CFAP97: variants seen among roughly 807,000 people sequenced by gnomAD.
CFAP97 encodes cilia- and flagella-associated protein 97.
CFAP97 carries 36 observed loss-of-function variants against 43.1 expected under a neutral mutation model. That is an observed-to-expected ratio of 0.84 (90% confidence interval 0.64 to 1.10). CFAP97 has a LOEUF of 1.10. Among genes scored for constraint, CFAP97 ranks in the 50% least tolerant of loss-of-function variants. The pLI is 0.00. For missense variants in CFAP97, 657 were observed against 620.3 expected, an observed-to-expected ratio of 1.06 and a Z score of -0.63; for synonymous variants, 228 against 225.7, an observed-to-expected ratio of 1.01 and a Z score of -0.09.
At chr4:185,208,811 T>G (rs1226945907), upstream of CFAP97, among the ~76,000 whole-genome samples, 3 of 152,382 alleles carry the variant, frequency 2.0e-5, no homozygotes, top group East Asian at 5.8e-4. Context: ...TCTGCTTCTT[T>G]ATTAGTCTTA....
chr4:185,170,977 T>C (rs1306391694), intron 3 of CFAP97, among the ~76,000 whole-genome samples: 2 of 58,908 alleles, frequency 3.4e-5, no homozygotes, highest in Admixed American at 6.2e-4. Context: ...AAGCAAGACT[T>C]TGTCTCAAAA....
chr4:185,186,683 C>T (rs1287391677), intron 2 of CFAP97, among the ~76,000 whole-genome samples: 1 of 152,100 alleles, frequency 6.6e-6, no homozygotes, highest in Admixed American at 6.5e-5. Context: ...TGGATATACA[C>T]CTTTTTCATG....
At chr4:185,204,762 C>T (rs1272411565), upstream of CFAP97, among the ~76,000 whole-genome samples, 1 of 152,184 alleles carries the variant, frequency 6.6e-6, no homozygotes, top group Non-Finnish European at 1.5e-5. Flanking sequence ...GCTGTGAGCA[C>T]AGAAGCTAGA....
At chr4:185,197,182 C>T (rs1736593376) in intron 1 of CFAP97, among the ~76,000 whole-genome samples, 1 of 141,046 alleles carries the variant, frequency 7.1e-6, no homozygotes, top group South Asian at 2.3e-4. Flanking sequence ...TTTGAAGAAA[C>T]TGAAATCACA....
At chr4:185,180,822 A>C (rs1735751615) in intron 2 of CFAP97, among the ~76,000 whole-genome samples, 1 of 152,122 alleles carries the variant, frequency 6.6e-6, no homozygotes, top group African/African-American at 2.4e-5. Context: ...CATTATGAAT[A>C]GTCTAATCAC....
At chr4:185,174,696 T>C (rs1735443654) in intron 3 of CFAP97, among the ~76,000 whole-genome samples, 1 of 152,238 alleles carries the variant, frequency 6.6e-6, no homozygotes, top group Admixed American at 6.5e-5. Context: ...CTCAGCAGCA[T>C]ACTCAGTAGC....
At chr4:185,170,371 T>G in intron 3 of CFAP97, 1 of 491,710 alleles carries the variant, frequency 2.0e-6, no homozygotes, top group Non-Finnish European at 3.6e-6. Context: ...AAGTTACTCC[T>G]GTATACTAGC....
upstream of CFAP97, among the ~76,000 whole-genome samples, chr4:185,207,110 CA>C (rs1334095958): frequency 3.9e-5 from 6 of 152,024 alleles, no homozygotes; most frequent in Admixed American, 2.6e-4. Context: ...TCCACTGACC[CA>C]GGGGCAATCT....
intron 2 of CFAP97, among the ~76,000 whole-genome samples, chr4:185,181,942 C>T (rs945173898): frequency 7.9e-5 from 12 of 152,108 alleles, no homozygotes; most frequent in African/African-American, 2.9e-4. Flanking sequence ...CACTTCAATC[C>T]CTCACACGTT....
At chr4:185,199,352 C>T (rs372912684) in intron 1 of CFAP97, among the ~76,000 whole-genome samples, 16 of 149,318 alleles carry the variant, frequency 1.1e-4, no homozygotes, top group African/African-American at 3.7e-4. Context: ...GCCTGGGTGA[C>T]AGAGCAAGAC....
intron 1 of CFAP97, among the ~76,000 whole-genome samples, chr4:185,197,286 G>A (rs1198850406): frequency 6.6e-6 from 1 of 151,958 alleles, no homozygotes; most frequent in African/African-American, 2.4e-5. Context: ...TCACAATCAA[G>A]TAATAAGTTT....
chr4:185,193,754 T>C (rs867237375), intron 1 of CFAP97, among the ~76,000 whole-genome samples: 32 of 152,202 alleles, frequency 2.1e-4, no homozygotes, highest in African/African-American at 7.7e-4. Context: ...TTATGTAATC[T>C]GTATCCTAAA....
chr4:185,181,470 C>T (rs1219299730), intron 2 of CFAP97, among the ~76,000 whole-genome samples: 1 of 151,658 alleles, frequency 6.6e-6, no homozygotes, highest in African/African-American at 2.4e-5. Flanking sequence ...GGATTACAGG[C>T]ATGTGCCACC....
chr4:185,160,851 T>A lies in CFAP97; in HGVS notation c.*1947A>T, dbSNP rs899395157. ...TAAATATATAATCTTTATATATATA[T>A]AAAAATCTTTTTTAAAAGATTTTTA... On this transcript the variant is annotated 3_prime_UTR_variant, in exon 5 of 5. Coordinates refer to ENST00000458385, the MANE Select transcript of CFAP97 (RefSeq NM_020827.3). The A allele has an allele frequency of 2.0e-5, 3 of 147,156 alleles. No homozygotes were observed. Among genetic ancestry groups the A allele is most frequent in the African/African-American group, 7.4e-5 (3 of 40,792 alleles). 9.1% of individuals were successfully genotyped at this position (147,156 alleles called of 1,614,324 possible). A position where few individuals can be genotyped will look rare whatever the true frequency, so the allele number is the denominator to read the frequency against.
intron 1 of CFAP97, among the ~76,000 whole-genome samples, chr4:185,197,425 GA>G (rs1046486920): frequency 6.6e-6 from 1 of 150,466 alleles, no homozygotes; most frequent in African/African-American, 2.4e-5. Context: ...AGTTGTTTTT[GA>G]ATTTTTTTTT....
At chr4:185,201,531 C>T (rs922039928) in intron 1 of CFAP97, among the ~76,000 whole-genome samples, 2 of 151,974 alleles carry the variant, frequency 1.3e-5, no homozygotes, top group African/African-American at 4.8e-5. Flanking sequence ...AGACCCTCCA[C>T]CAGCAAAAAA....
upstream of CFAP97, chr4:185,210,071 C>T: frequency 1.0e-6 from 1 of 983,918 alleles, no homozygotes; most frequent in Non-Finnish European, 1.2e-6. The surrounding 1 kb of genome is among the most constrained non-coding windows in gnomAD (Gnocchi z 4.4). Flanking sequence ...GGGGAGGCGG[C>T]GGGGGCCGCG....
chr4:185,191,255 A>C, intron 1 of CFAP97, 43 bp from the exon 2 acceptor site: 1 of 1,309,842 alleles, frequency 7.6e-7, no homozygotes, highest in Non-Finnish European at 1.0e-6. Flanking sequence ...GTGATTTCCA[A>C]ATACTTTCCA....
intron 3 of CFAP97, chr4:185,170,118 C>A: frequency 1.9e-6 from 2 of 1,045,686 alleles, no homozygotes; most frequent in East Asian, 3.4e-5. Flanking sequence ...GAAGCTGAGG[C>A]AGATGGATCA....
Sources: allele counts gnomAD v4.1 joint callset (sites outside exome capture counted in the v4.1 genomes callset), GRCh38; gene constraint gnomAD v4.1.1; non-coding constraint Gnocchi (gnomAD v3.1); transcripts MANE v1.5; gene names NCBI Gene and HGNC (gene_info 2026-07-23, HGNC 2026-07-21).